The following RNF111 variants were observed in gnomAD, a reference collection of about 807,000 sequenced individuals.
The protein encoded by RNF111 is ring finger protein 111.
In RNF111, 17 loss-of-function variants were observed where a neutral mutation model predicts 95.1. The observed-to-expected ratio is 0.18, with a 90% CI of 0.12 to 0.27. The LOEUF (loss-of-function observed/expected upper bound fraction) is 0.27. RNF111 is among the 10% of genes least tolerant of loss of function. The pLI is 1.00. For missense variants in RNF111, 1,189 were observed against 1,210.4 expected (o/e 0.98, Z 0.26); for synonymous variants, 440 against 414.8 (o/e 1.06, Z -0.74).
chr15:59,024,848 T>A (rs1472695508), intron 1 of RNF111, among the ~76,000 whole-genome samples: 3 of 152,158 alleles, frequency 2.0e-5, no homozygotes, highest in African/African-American at 7.2e-5. Context: ...CTCCCTCAGG[T>A]CCTCGCAACC....
At chr15:58,997,662 CA>C (rs1229135221) in intron 1 of RNF111, among the ~76,000 whole-genome samples, 1 of 151,276 alleles carries the variant, frequency 6.6e-6, no homozygotes, top group Non-Finnish European at 1.5e-5. Context: ...ACTAAAAATA[CA>C]AAATTAGCAG....
chr15:59,031,321 C>T lies in RNF111; in HGVS notation c.499C>T (p.Gln167Ter). 1 of 1,614,116 alleles carries T rather than the reference C, an allele frequency of 6.2e-7. No individual in the cohort carries two copies. The change falls in exon 2 of 14, where the codon CAG becomes TAG. Residue 167 changes from glutamine (Q) to a stop codon, truncating the protein, a stop_gained. Transcript: ENST00000348370. LOFTEE classifies it high-confidence loss of function. Reference protein sequence around the residue: ...EDKEVSVRHSQTILNAKSRSH... With the variant: ...EDKEVSVRHS ...TAAAGAAGTCTCTGTAAGACATTCC[C>T]AGACCATTTTGAATGCTAAAAGTAG...
chr15:59,080,429 T>C (rs2078706745), intron 7 of RNF111, among the ~76,000 whole-genome samples: 1 of 152,144 alleles, frequency 6.6e-6, no homozygotes, highest in African/African-American at 2.4e-5. Flanking sequence ...GCCCTTCCTG[T>C]GTACTCTTGA....
chr15:59,052,320 A>G lies in RNF111; in HGVS notation c.896A>G (p.Asp299Gly), dbSNP rs773251781. The change falls in exon 3 of 14, where the codon GAT (aspartate) becomes GGT (glycine). Residue 299 changes from aspartate (D) to glycine (G), a missense_variant. Asp to Gly is a moderately conservative substitution (Grantham distance 94). This residue lies in a region of RNF111 where 1,024 missense variants were observed against 925.9 expected (regional missense o/e 1.11). Coordinates refer to ENST00000348370, the MANE Select transcript of RNF111 (RefSeq NM_017610.8). ...TTGTTTCCAGGAAGTATTGATGAAGATGTTGTGGTGATAGAAGCTTCCTCC... is the reference window on the plus strand; with the variant it reads ...TTGTTTCCAGGAAGTATTGATGAAGGTGTTGTGGTGATAGAAGCTTCCTCC... ...PAVPSGSIDE[D>G]VVVIEASSTP... 1 of 1,592,968 alleles carries G rather than the reference A, an allele frequency of 6.3e-7. No individual in the cohort carries two copies. The highest frequency in any genetic ancestry group is 8.5e-7 in the Non-Finnish European group (1 of 1,171,464).
intron 9 of RNF111, 124 bp from the exon 10 acceptor site, chr15:59,085,535 C>T: frequency 2.5e-6 from 2 of 794,226 alleles, no homozygotes. Context: ...GCTAAATTAT[C>T]TTTCCTCAGC....
Position 59,059,924 on chromosome 15 carries a change from T to C in RNF111, c.1366+1374T>C, listed in dbSNP as rs372410090. Among the ~76,000 whole-genome samples the C allele has an allele frequency of 2.3e-4, 35 of 152,362 alleles. No homozygotes were observed. In the East Asian group the frequency reaches 6.7e-3, roughly 29 times the overall value. On this transcript the variant is annotated intron_variant, in intron 5 of 13. Coordinates refer to ENST00000348370, the MANE Select transcript of RNF111 (RefSeq NM_017610.8). ...CCTTTTTGCTTTTAATAATATCTCATTTAATTCTTTTAATATTCATGTAAT... is the reference window on the plus strand; with the variant it reads ...CCTTTTTGCTTTTAATAATATCTCACTTAATTCTTTTAATATTCATGTAAT...
intron 1 of RNF111, among the ~76,000 whole-genome samples, chr15:59,027,341 C>T (rs2040667111): frequency 6.6e-6 from 1 of 152,072 alleles, no homozygotes; most frequent in Non-Finnish European, 1.5e-5. Context: ...TCTCTGATGC[C>T]TAGAAATCTT....
chr15:59,040,577 A>G (rs1207695795), intron 2 of RNF111, among the ~76,000 whole-genome samples: 2 of 152,200 alleles, frequency 1.3e-5, no homozygotes, highest in South Asian at 2.1e-4. Flanking sequence ...ATTTGTTCTT[A>G]CACTGAAAAC....
intron 1 of RNF111, among the ~76,000 whole-genome samples, chr15:59,013,383 C>T (rs1370554823): frequency 6.6e-6 from 1 of 152,166 alleles, no homozygotes; most frequent in Non-Finnish European, 1.5e-5. Flanking sequence ...TCTGGTTTCA[C>T]AGTTTCTCAG....
At chr15:59,089,171 G>T (rs527964006) in intron 10 of RNF111, among the ~76,000 whole-genome samples, 52 of 152,224 alleles carry the variant, frequency 3.4e-4, no homozygotes, top group African/African-American at 1.2e-3. Context: ...CTGTGGGTCA[G>T]TTCACACATA....
At chr15:59,060,216 A>C (rs1229437677) in intron 5 of RNF111, among the ~76,000 whole-genome samples, 7 of 152,260 alleles carry the variant, frequency 4.6e-5, no homozygotes, top group Middle Eastern at 3.4e-3. Flanking sequence ...GGCAGAAATG[A>C]AATGGGCTTT....
intron 1 of RNF111, among the ~76,000 whole-genome samples, chr15:59,009,159 C>T (rs1397481012): frequency 6.6e-6 from 1 of 151,978 alleles, no homozygotes; most frequent in Non-Finnish European, 1.5e-5. Context: ...GGGGTTTCAC[C>T]AAGTTGGCCA....
At chr15:59,056,541 G>T (rs2042207311) in intron 4 of RNF111, among the ~76,000 whole-genome samples, 1 of 152,128 alleles carries the variant, frequency 6.6e-6, no homozygotes, top group African/African-American at 2.4e-5. Context: ...TGTTAGGTTT[G>T]GGAGTTAGCT....
chr15:59,048,983 C>G (rs1483206399), intron 2 of RNF111, among the ~76,000 whole-genome samples: 3 of 152,048 alleles, frequency 2.0e-5, no homozygotes, highest in Non-Finnish European at 4.4e-5. Context: ...CACCTGTAGT[C>G]CCAGCTACTC....
In RNF111 at chr15:59,031,165, A is replaced by ATAT; in HGVS notation, c.346_348dup (p.Leu116dup). 2.5e-6 allele frequency: 4 copies of ATAT among 1,614,176 alleles called. No homozygotes were observed. The East Asian group carries it at 8.9e-5, about 36-fold the overall frequency. ...GAATTGTGTTAAAGAAAACCAGGGA[A>ATAT]TATTAGGACTGAGGCAACACCTAGG... On this transcript the variant is annotated inframe_insertion, in exon 2 of 14. Transcript: ENST00000348370.
intron 1 of RNF111, among the ~76,000 whole-genome samples, chr15:59,002,663 C>A (rs1291830656): frequency 6.6e-6 from 1 of 151,992 alleles, no homozygotes; most frequent in African/African-American, 2.4e-5. Flanking sequence ...ATCTTCAGTT[C>A]CCTATAGTTC....
intron 5 of RNF111, among the ~76,000 whole-genome samples, chr15:59,065,624 TACTTTAAAGC>T (rs2042622472): frequency 2.6e-5 from 4 of 152,236 alleles, no homozygotes; most frequent in African/African-American, 9.6e-5. Flanking sequence ...GTCATTAGAT[TACTTTAAAGC>T]ACATTTTATT....
chr15:58,992,189 A>G (rs1567193628), intron 1 of RNF111, among the ~76,000 whole-genome samples: 1 of 151,990 alleles, frequency 6.6e-6, no homozygotes, highest in African/African-American at 2.4e-5. Context: ...GGATTACAGG[A>G]GCGCGCCACC....
intron 13 of RNF111, 130 bp from the exon 14 acceptor site, chr15:59,094,653 G>A (rs1596323675): frequency 1.7e-6 from 1 of 598,234 alleles, no homozygotes; most frequent in Admixed American, 2.8e-5. Flanking sequence ...TTTAATCGAT[G>A]TGTTTTTTAT....
Sources: gnomAD v4.1 joint callset for allele counts (sites outside exome capture counted in the v4.1 genomes callset) on GRCh38, gnomAD v4.1.1 for gene constraint, gnomAD v4.1.1 regional missense constraint, MANE v1.5 for transcripts, NCBI Gene and HGNC (gene_info 2026-07-23, HGNC 2026-07-21) for gene names.